The following MAST1 variants were observed in gnomAD, a reference collection of about 807,000 sequenced individuals.
MAST1 encodes the protein microtubule-associated serine/threonine-protein kinase 1.
In MAST1, 40 loss-of-function variants were observed where a neutral mutation model predicts 124.6. The observed-to-expected ratio is 0.32, with a 90% CI of 0.25 to 0.42. The LOEUF (loss-of-function observed/expected upper bound fraction) is 0.42, where lower values mean the gene tolerates loss of function less well. MAST1 is among the 10% of genes least tolerant of loss of function. MAST1 has a pLI of 1.00. For missense variants in MAST1, 1,558 were observed against 2,181.9 expected (o/e 0.71, Z 5.70); for synonymous variants, 938 against 939.4 (o/e 1.00, Z 0.03).
chr19:12,868,446 C>T (rs1356356865), intron 20 of MAST1, among the ~76,000 whole-genome samples, 197 bp from the exon 21 acceptor site: 1 of 152,092 alleles, frequency 6.6e-6, no homozygotes, highest in African/African-American at 2.4e-5. Flanking sequence ...ACCCCAATAC[C>T]ATGGTCAGTC....
intron 12 of MAST1, among the ~76,000 whole-genome samples, chr19:12,862,248 A>G (rs1008145280): frequency 2.6e-5 from 4 of 151,948 alleles, no homozygotes; most frequent in African/African-American, 7.3e-5. Context: ...TAAATGATCC[A>G]TCAGTCTCGG....
At chr19:12,856,641 T>A (rs1970021360) in intron 10 of MAST1, among the ~76,000 whole-genome samples, 1 of 152,186 alleles carries the variant, frequency 6.6e-6, no homozygotes, top group Non-Finnish European at 1.5e-5. Flanking sequence ...GTACAATACA[T>A]ATTGCCTATT....
chr19:12,840,616 A>G, intron 2 of MAST1, 82 bp downstream of exon 2: 2 of 1,025,622 alleles, frequency 2.0e-6, no homozygotes, highest in Non-Finnish European at 3.0e-6. Flanking sequence ...TGGTCATGCT[A>G]CAGAAGGGGC....
rs1970270168 is a variant in MAST1, at chr19:12,873,638, T to A, written c.3481T>A (p.Ser1161Thr). ...CTCATCCCAGAGCAGCTCCCCAGCC[T>A]CGAGCACGCCCAACTCGCCTGCGTC... Reference protein sequence around the residue: ...GASSQSSSPASSTPNSPASSA... With the variant: ...GASSQSSSPATSTPNSPASSA... The change falls in exon 26 of 26, where the codon TCG becomes ACG. Residue 1161 changes from serine to threonine, a missense_variant. Physicochemically the swap from Ser to Thr is moderately conservative, Grantham distance 58. Coordinates refer to ENST00000251472, the MANE Select transcript of MAST1 (RefSeq NM_014975.3). The A allele has an allele frequency of 6.3e-7, 1 of 1,592,894 alleles. No individual in the cohort carries two copies. Among genetic ancestry groups the A allele is most frequent in the African/African-American group, 1.3e-5 (1 of 74,708 alleles).
chr19:12,860,867 G>T (rs892120778), intron 12 of MAST1, among the ~76,000 whole-genome samples: 2 of 151,952 alleles, frequency 1.3e-5, no homozygotes, highest in African/African-American at 2.4e-5. Context: ...CCTCAGCTGT[G>T]CCTCCTCCAA....
chr19:12,838,873 G>A lies in MAST1; in HGVS notation c.83+218G>A, dbSNP rs1969792642. On this transcript the variant is annotated intron_variant, in intron 1 of 25. Coordinates refer to ENST00000251472, the MANE Select transcript of MAST1 (RefSeq NM_014975.3). The surrounding 1 kb of genome is among the most constrained non-coding windows in gnomAD (Gnocchi z 4.3). ...GGAGAGGACGGCCGCGGGGGGAGGG[G>A]GCTGCGCCACTGGGGGTTTGTGGCG... is the stretch of plus-strand genomic sequence containing the variant. Among the ~76,000 whole-genome samples, 1 of 151,650 alleles carries A rather than the reference G, an allele frequency of 6.6e-6. No homozygotes were observed. Among genetic ancestry groups the A allele is most frequent in the Non-Finnish European group, 1.5e-5 (1 of 67,864 alleles).
chr19:12,870,841 C>T lies in MAST1; in HGVS notation c.3021C>T (p.Gly1007=). 1 of 1,608,450 alleles carries T rather than the reference C, an allele frequency of 6.2e-7. No homozygotes were observed. Among genetic ancestry groups the T allele is most frequent in the Non-Finnish European group, 8.5e-7 (1 of 1,176,840 alleles). ...HHIVWHVEEG[G]PAQEAGLCAG... ...TTTCCCAGCATGTGGAGGAAGGAGG[C>T]CCAGCCCAGGAGGCAGGACTCTGTG... Residue 1007 remains glycine (G), a synonymous_variant, in exon 23 of 26, where the codon GGC becomes GGT. Transcript: ENST00000251472.
intron 22 of MAST1, 110 bp from the exon 23 acceptor site, chr19:12,870,714 G>A (rs1318439126): frequency 7.0e-6 from 8 of 1,135,590 alleles, no homozygotes; most frequent in Non-Finnish European, 9.9e-6. Context: ...TTCACAAGGT[G>A]TTATGAGGAT....
rs1403512564 is a variant in MAST1, at chr19:12,841,197, C to A, written c.248+131C>A. On this transcript the variant is annotated intron_variant, in intron 3 of 25. Transcript: ENST00000251472. This position sits in a 1 kb window ranked among gnomAD's most constrained non-coding sequence, Gnocchi z 4.3. ...AGGGGACCAGCGAGTGCCCCAAGGT[C>A]TCAGCGGGAAGGAGCGCCTAGCCTT... 3.3e-6 allele frequency: 2 copies of A among 613,686 alleles called. No individual in the cohort carries two copies. The highest frequency in any genetic ancestry group is 5.9e-6 in the Non-Finnish European group (2 of 336,750). The allele number at this position is 613,686 out of a possible 1,614,324, so 38.0% of individuals were successfully genotyped here. A position where few individuals can be genotyped will look rare whatever the true frequency, so the allele number is the denominator to read the frequency against.
chr19:12,870,512 AT>A (rs1241130529), intron 22 of MAST1, among the ~76,000 whole-genome samples: 1 of 143,068 alleles, frequency 7.0e-6, no homozygotes, highest in African/African-American at 2.8e-5. Context: ...AAAAAAAAAA[AT>A]TAGCCGGAGG....
Position 12,873,502 on chromosome 19 carries a change from G to T in MAST1, c.3442G>T (p.Ala1148Ser). ...CAGCTACCGCTCCACGCCTGACTCCGCCTACCTAGGTATTACCTCCTGCAC... is the reference window on the plus strand; with the variant it reads ...CAGCTACCGCTCCACGCCTGACTCCTCCTACCTAGGTATTACCTCCTGCAC... ...THSYRSTPDS[A>S]YLGASSQSSS... Residue 1148 changes from alanine to serine, a missense_variant, in exon 25 of 26, where the codon GCC (alanine) becomes TCC (serine). By Grantham distance (99) the Ala-to-Ser change is moderately conservative. Around this residue, in one of 10 missense-constraint regions of MAST1, gnomAD observed 291 missense variants for 475.8 expected, o/e 0.61. Coordinates refer to ENST00000251472, the MANE Select transcript of MAST1 (RefSeq NM_014975.3). The T allele has an allele frequency of 6.2e-7, 1 of 1,603,268 alleles. No homozygotes were observed.
intron 24 of MAST1, among the ~76,000 whole-genome samples, chr19:12,871,952 G>A (rs1970240971): frequency 6.7e-6 from 1 of 149,354 alleles, no homozygotes; most frequent in Non-Finnish European, 1.5e-5. Flanking sequence ...GGCTGTAAAA[G>A]TGGAAGGAGC....
At chr19:12,868,877 A>T in intron 21 of MAST1, 28 bp downstream of exon 21, 2 of 1,555,166 alleles carry the variant, frequency 1.3e-6, no homozygotes, top group Non-Finnish European at 1.7e-6. Flanking sequence ...CTGGCAGGGG[A>T]GGGGCTGCCC....
intron 12 of MAST1, among the ~76,000 whole-genome samples, chr19:12,860,932 G>A (rs117138360): frequency 1.7e-4 from 26 of 151,890 alleles, no homozygotes; most frequent in East Asian, 1.2e-3. Context: ...CATCTCCCTC[G>A]TGTCACATGC....
intron 7 of MAST1, 54 bp from the exon 8 acceptor site, chr19:12,851,880 C>A (rs1390667122): frequency 7.2e-7 from 1 of 1,398,528 alleles, no homozygotes; most frequent in Non-Finnish European, 1.0e-6. Flanking sequence ...GAGAGAGGGG[C>A]CGGGCTGAGG....
In MAST1 at chr19:12,838,966, G is replaced by C. The variant is rs950783660; in HGVS notation, c.83+311G>C. On this transcript the variant is annotated intron_variant, in intron 1 of 25. Transcript: ENST00000251472. The surrounding 1 kb of genome is among the most constrained non-coding windows in gnomAD (Gnocchi z 4.3). ...GTAGAGGAAGAAGGGGAGGCTGGGGGGCTTGGCACCCTCAGAACAATAGCC... is the reference window on the plus strand; with the variant it reads ...GTAGAGGAAGAAGGGGAGGCTGGGGCGCTTGGCACCCTCAGAACAATAGCC... Among the ~76,000 whole-genome samples, 2 of 151,960 alleles carry C rather than the reference G, an allele frequency of 1.3e-5. No homozygotes were observed. The highest frequency in any genetic ancestry group is 4.8e-5 in the African/African-American group (2 of 41,346).
intron 10 of MAST1, among the ~76,000 whole-genome samples, chr19:12,854,552 T>C (rs1160638374): frequency 1.3e-5 from 2 of 152,254 alleles, no homozygotes; most frequent in Non-Finnish European, 2.9e-5. Flanking sequence ...TTCATTTTTA[T>C]AGCCGAGTAA....
intron 21 of MAST1, 108 bp from the exon 22 acceptor site, chr19:12,868,958 G>T: frequency 6.5e-7 from 1 of 1,534,574 alleles, no homozygotes; most frequent in South Asian, 1.2e-5. Context: ...CTCCAGGCTG[G>T]ACCAATGAGA....
At chr19:12,868,103 A>ATTTTTTTTTTTTTCTTTTTTTT (rs1970182259) in intron 20 of MAST1, 126 bp downstream of exon 20, 1 of 291,088 alleles carries the variant, frequency 3.4e-6, no homozygotes, top group Non-Finnish European at 4.8e-6. Flanking sequence ...GCAATTTGGG[A>ATTTTTTTTTTTTTCTTTTTTTT]TTTTTTTTTT....
Sources: gnomAD v4.1 joint callset for allele counts (sites outside exome capture counted in the v4.1 genomes callset) on GRCh38, gnomAD v4.1.1 for gene constraint, gnomAD v4.1.1 regional missense constraint, Gnocchi (gnomAD v3.1) non-coding constraint, MANE v1.5 for transcripts, NCBI Gene and HGNC (gene_info 2026-07-23, HGNC 2026-07-21) for gene names.